EI24: variants seen among roughly 807,000 people sequenced by gnomAD.
The protein encoded by EI24 is EI24 autophagy associated transmembrane protein.
In EI24, 21 loss-of-function variants were observed where a neutral mutation model predicts 48.6. That is an observed-to-expected ratio of 0.43 (90% confidence interval 0.31 to 0.62). The LOEUF is 0.62. Among genes scored for constraint, EI24 ranks in the 20% least tolerant of loss-of-function variants. The pLI is 0.10. For synonymous variants in EI24, 114 were observed against 145.5 expected (o/e 0.78, Z 1.56); for missense variants, 280 against 410.5 (o/e 0.68, Z 2.75).
intron 2 of EI24, 127 bp from the exon 3 acceptor site, chr11:125,575,136 A>T: frequency 1.3e-6 from 1 of 771,626 alleles, no homozygotes. Context: ...CTGAGGCAGG[A>T]GGATCATTTG....
At chr11:125,576,373 T>A (rs1468229844) in intron 4 of EI24, 58 bp downstream of exon 4, 24 of 1,494,538 alleles carry the variant, frequency 1.6e-5, no homozygotes, top group Non-Finnish European at 2.2e-5. Flanking sequence ...GCTGGGTTGA[T>A]AGCTATGAAC....
At chr11:125,577,082 TTTTA>T (rs1178542481) in intron 4 of EI24, among the ~76,000 whole-genome samples, 3 of 152,088 alleles carry the variant, frequency 2.0e-5, no homozygotes, top group African/African-American at 7.2e-5. Context: ...TCCTGATTTA[TTTTA>T]TTTATTTATT....
intron 2 of EI24, among the ~76,000 whole-genome samples, chr11:125,574,541 CTAT>C (rs1484615237): frequency 6.6e-6 from 1 of 152,210 alleles, no homozygotes. Context: ...TGTATTCCAG[CTAT>C]TATTTCTAAA....
rs777357915 is a variant in EI24 at position 125,578,979 on chromosome 11, G to T, written c.472G>T (p.Gly158Trp). The T allele has an allele frequency of 1.9e-6, 3 of 1,591,686 alleles. No homozygotes were observed. The highest frequency in any genetic ancestry group is 2.6e-6 in the Non-Finnish European group (3 of 1,168,172). ...AGCTGACCTGGCATTTGAGGTATCA[G>T]GGAGGAAGCCTCACCCATTCCCTAG... ...DIADLAFEVS[G>W]RKPHPFPSVS... Residue 158 changes from glycine to tryptophan, a missense_variant, in exon 7 of 11, where the codon GGG becomes TGG. Gly to Trp is a radical substitution (Grantham distance 184). Transcript: ENST00000278903.
chr11:125,578,905 C>G, intron 6 of EI24, 44 bp from the exon 7 acceptor site: 1 of 1,547,952 alleles, frequency 6.5e-7, no homozygotes, highest in African/African-American at 1.4e-5. Context: ...GGATGTATAT[C>G]AAGGCCATTT....
At chr11:125,570,496 T>C (rs927957440) in intron 1 of EI24, 1 of 152,220 alleles carries the variant, frequency 6.6e-6, no homozygotes, top group Non-Finnish European at 1.5e-5. Flanking sequence ...TTATCCTTCA[T>C]AGGTCACTCT....
chr11:125,576,668 A>G (rs1938760504), intron 4 of EI24, among the ~76,000 whole-genome samples: 1 of 152,232 alleles, frequency 6.6e-6, no homozygotes, highest in Non-Finnish European at 1.5e-5. Context: ...GACAAGAACA[A>G]GGTTCTCCCT....
intron 1 of EI24, 152 bp downstream of exon 1, chr11:125,569,725 G>A (rs1938459236): frequency 6.3e-6 from 2 of 317,020 alleles, no homozygotes; most frequent in Non-Finnish European, 1.2e-5. Context: ...GAGCGGGACG[G>A]GGCCGGGCAC....
rs754560681 is a variant in EI24 at position 125,572,588 on chromosome 11, T to C, written c.42+19T>C. On this transcript the variant is annotated intron_variant, in intron 2 of 10. Coordinates refer to ENST00000278903, the MANE Select transcript of EI24 (RefSeq NM_004879.5). ...TGCCAGAGTGAGTACATCTTGTTTA[T>C]AGGAATTCATCTCTCGGCCTTTTTT... The C allele has an allele frequency of 3.1e-6, 5 of 1,610,444 alleles. No homozygotes were observed. The highest frequency in any genetic ancestry group is 1.7e-4 in the Middle Eastern group (1 of 6,048).
chr11:125,570,782 G>A (rs1031408568), intron 1 of EI24, among the ~76,000 whole-genome samples: 6 of 152,204 alleles, frequency 3.9e-5, no homozygotes, highest in African/African-American at 1.2e-4. Flanking sequence ...ATTTATAGAT[G>A]AGCCAGTGGC....
chr11:125,577,437 C>G, intron 4 of EI24, 67 bp from the exon 5 acceptor site: 1 of 1,463,440 alleles, frequency 6.8e-7, no homozygotes, highest in Non-Finnish European at 9.5e-7. Flanking sequence ...AATCATTACA[C>G]TAAAAATTGA....
Position 125,577,858 on chromosome 11 carries a change from A to G in EI24, c.317-275A>G, listed in dbSNP as rs1432796039. On this transcript the variant is annotated intron_variant, in intron 5 of 10. Coordinates refer to ENST00000278903, the MANE Select transcript of EI24 (RefSeq NM_004879.5). Reference sequence around the variant, plus strand: ...TTTAAACCCAGATGGTATCCTGCAGATAGCGTACTGGTAATCACTGTGGCA... The same window carrying G: ...TTTAAACCCAGATGGTATCCTGCAGGTAGCGTACTGGTAATCACTGTGGCA... 5.2e-6 allele frequency: 3 copies of G among 574,932 alleles called. No individual in the cohort carries two copies. In the African/African-American group the frequency reaches 5.6e-5, roughly 11 times the overall value. The allele number at this position is 574,932 out of a possible 1,614,324, so 35.6% of individuals were successfully genotyped here.
At position 125,584,422 on chromosome 11, in the gene EI24, T is replaced by A. The variant is rs2135881672; in HGVS notation, c.*739T>A. On this transcript the variant is annotated 3_prime_UTR_variant, in exon 11 of 11. Coordinates refer to ENST00000278903, the MANE Select transcript of EI24 (RefSeq NM_004879.5). ...GGTACCAATTCTGGACAAGTGCCACTACAACAACACTAAACCTGAACTTTT... is the reference window on the plus strand; with the variant it reads ...GGTACCAATTCTGGACAAGTGCCACAACAACAACACTAAACCTGAACTTTT... 1 of 152,730 alleles carries A rather than the reference T, an allele frequency of 6.5e-6. No individual in the cohort carries two copies. Among genetic ancestry groups the A allele is most frequent in the Admixed American group, 6.5e-5 (1 of 15,286 alleles). 9.5% of individuals were successfully genotyped at this position (152,730 alleles called of 1,614,324 possible). A position where few individuals can be genotyped will look rare whatever the true frequency, so the allele number is the denominator to read the frequency against.
At chr11:125,575,126 C>A in intron 2 of EI24, 137 bp from the exon 3 acceptor site, 1 of 689,460 alleles carries the variant, frequency 1.5e-6, no homozygotes. Flanking sequence ...CTTTGGGAGG[C>A]TGAGGCAGGA....
chr11:125,571,713 C>T (rs1938539699), intron 1 of EI24, among the ~76,000 whole-genome samples: 1 of 152,028 alleles, frequency 6.6e-6, no homozygotes, highest in African/African-American at 2.4e-5. Context: ...CCCATCTCTA[C>T]TAAAAATACA....
chr11:125,576,652 C>T (rs1238002035), intron 4 of EI24, among the ~76,000 whole-genome samples: 6 of 152,186 alleles, frequency 3.9e-5, no homozygotes, highest in South Asian at 2.1e-4. Flanking sequence ...AGGGCAGATA[C>T]GGCTAGACAA....
Position 125,583,750 on chromosome 11 carries a change from C to A in EI24, c.*67C>A, listed in dbSNP as rs1317328014. 4.5e-6 allele frequency: 7 copies of A among 1,566,562 alleles called. No individual in the cohort carries two copies. The highest frequency in any genetic ancestry group is 6.1e-6 in the Non-Finnish European group (7 of 1,155,268). On this transcript the variant is annotated 3_prime_UTR_variant, in exon 11 of 11. Coordinates refer to ENST00000278903, the MANE Select transcript of EI24 (RefSeq NM_004879.5). Reference sequence around the variant, plus strand: ...CTGTGGCAGCTCTTTTCCCTGTTCACCTCCCGCCTGCCAGGGAAGGCAGGA... The same window carrying A: ...CTGTGGCAGCTCTTTTCCCTGTTCAACTCCCGCCTGCCAGGGAAGGCAGGA...
chr11:125,575,484 A>G, intron 3 of EI24, 76 bp downstream of exon 3: 1 of 1,391,356 alleles, frequency 7.2e-7, no homozygotes, highest in Non-Finnish European at 9.5e-7. Context: ...TTTCAGTGCC[A>G]TTTTATTTCT....
At chr11:125,575,481 G>T in intron 3 of EI24, 73 bp downstream of exon 3, 1 of 1,398,662 alleles carries the variant, frequency 7.1e-7, no homozygotes, top group African/African-American at 1.4e-5. Flanking sequence ...ATGTTTCAGT[G>T]CCATTTTATT....
Sources: gnomAD v4.1 joint callset for allele counts (sites outside exome capture counted in the v4.1 genomes callset) on GRCh38, gnomAD v4.1.1 for gene constraint, MANE v1.5 for transcripts, NCBI Gene and HGNC (gene_info 2026-07-23, HGNC 2026-07-21) for gene names.